DIAPH1: variants seen among roughly 807,000 people sequenced by gnomAD.
The protein encoded by DIAPH1 is diaphanous related formin 1.
Under a neutral mutation model 140.7 loss-of-function variants are expected in DIAPH1, and 46 were observed. That is an observed-to-expected ratio of 0.33 (90% confidence interval 0.26 to 0.42). DIAPH1 has a LOEUF of 0.42. Ranked by LOEUF, DIAPH1 falls within the 10% of genes least tolerant of loss-of-function variation. The pLI, the probability that DIAPH1 is intolerant of heterozygous loss-of-function variation, is 1.00. For synonymous variants in DIAPH1, 565 were observed against 551.6 expected, an observed-to-expected ratio of 1.02 and a Z score of -0.34; for missense variants, 1,310 against 1,558.7, an observed-to-expected ratio of 0.84 and a Z score of 2.69.
chr5:141,527,543 G>C lies in DIAPH1; in HGVS notation c.3273+30C>G, dbSNP rs371651414. ...AGGAAGTTTTCTTTCCCTTCCTAGG[G>C]AACAACTCCCTCCTTTCAAGAGAGG... On this transcript the variant is annotated intron_variant, in intron 24 of 27. Coordinates refer to ENST00000389054, the MANE Select transcript of DIAPH1 (RefSeq NM_005219.5). 1.9e-6 allele frequency: 3 copies of C among 1,611,304 alleles called. No individual in the cohort carries two copies. The East Asian group carries it at 6.7e-5, about 36-fold the overall frequency.
chr5:141,587,526 G>C, intron 2 of DIAPH1: 1 of 323,978 alleles, frequency 3.1e-6, no homozygotes, highest in Non-Finnish European at 5.8e-6. Flanking sequence ...TCTCATGACA[G>C]AGTTCTATCA....
rs527778214 is a variant in DIAPH1, at chr5:141,615,665, C to T, written c.117+3133G>A. Among the ~76,000 whole-genome samples the T allele has an allele frequency of 3.9e-5, 6 of 152,154 alleles. No homozygotes were observed. In the East Asian group the frequency reaches 1.2e-3, roughly 29 times the overall value. On this transcript the variant is annotated intron_variant, in intron 1 of 27. Transcript: ENST00000389054. Reference sequence around the variant, plus strand: ...GGCTGAGGCAGAAGAATGGCATGAACCCGGGAGGCGGAGCTTGCAGTGAGC... The same window carrying T: ...GGCTGAGGCAGAAGAATGGCATGAATCCGGGAGGCGGAGCTTGCAGTGAGC...
At position 141,527,616 on chromosome 5, in the gene DIAPH1, G is replaced by C. The variant is rs376593325; in HGVS notation, c.3230C>G (p.Pro1077Arg). The C allele has an allele frequency of 1.8e-5, 29 of 1,610,580 alleles. No individual in the cohort carries two copies. The African/African-American group carries it at 3.9e-4, about 22-fold the overall frequency. Reference sequence around the variant, plus strand: ...CTTGTCTTTTTCATCTGTGGCAGCTGGGAAATTCTGAACATCACGTTCCAC... The same window carrying C: ...CTTGTCTTTTTCATCTGTGGCAGCTCGGAAATTCTGAACATCACGTTCCAC... ...SDVERDVQNFPAATDEKDKFV... is the reference protein window; with the variant it reads ...SDVERDVQNFRAATDEKDKFV... Residue 1077 changes from proline (P) to arginine (R), a missense_variant, in exon 24 of 28, where the codon CCA becomes CGA. By Grantham distance (103) the Pro-to-Arg change is moderately radical (BLOSUM62 -2). Coordinates refer to ENST00000389054, the MANE Select transcript of DIAPH1 (RefSeq NM_005219.5).
intron 27 of DIAPH1, among the ~76,000 whole-genome samples, chr5:141,521,083 G>T (rs1258170733): frequency 6.6e-6 from 1 of 152,020 alleles, no homozygotes; most frequent in African/African-American, 2.4e-5. Flanking sequence ...TGTATTTTTG[G>T]TAGAGACAGA....
At chr5:141,530,498 T>C (rs554148037) in intron 19 of DIAPH1, among the ~76,000 whole-genome samples, 2 of 152,156 alleles carry the variant, frequency 1.3e-5, no homozygotes, top group African/African-American at 4.8e-5. Flanking sequence ...CGGACTGGAG[T>C]CTATGAATTT....
intron 1 of DIAPH1, among the ~76,000 whole-genome samples, chr5:141,599,778 T>C (rs2099899864): frequency 6.6e-6 from 1 of 152,232 alleles, no homozygotes; most frequent in African/African-American, 2.4e-5. Flanking sequence ...CCAAGATTGC[T>C]AGCCTGATGT....
At chr5:141,591,695 G>GATAGATATATATATAT (rs1554210985) in intron 1 of DIAPH1, among the ~76,000 whole-genome samples, 4 of 86,326 alleles carry the variant, frequency 4.6e-5, no homozygotes, top group African/African-American at 2.3e-4. Context: ...GGGAGATGGG[G>GATAGATATATATATAT]ATATATATAT....
chr5:141,529,821 T>C (rs2099887928), intron 19 of DIAPH1, 124 bp from the exon 20 acceptor site: 7 of 826,116 alleles, frequency 8.5e-6, no homozygotes. Context: ...CAGTGGCTCA[T>C]GCCTGTAATC....
intron 19 of DIAPH1, among the ~76,000 whole-genome samples, chr5:141,532,138 C>T (rs1461652563): frequency 6.6e-6 from 1 of 152,158 alleles, no homozygotes; most frequent in African/African-American, 2.4e-5. Flanking sequence ...TGATCCCTCT[C>T]CTGAAACAAG....
rs867080013 is a variant in DIAPH1 at position 141,578,505 on chromosome 5, A to G, written c.1044+10T>C. 2 of 1,607,676 alleles carry G rather than the reference A, an allele frequency of 1.2e-6. No individual in the cohort carries two copies. The highest frequency in any genetic ancestry group is 1.7e-6 in the Non-Finnish European group (2 of 1,174,108). ...CAGTCTAGCCTTTCTAATGAAGTGT[A>G]ATATCTTACCTGCAACACCTGATGT... is the stretch of plus-strand genomic sequence containing the variant. On this transcript the variant is annotated intron_variant, in intron 10 of 27. Coordinates refer to ENST00000389054, the MANE Select transcript of DIAPH1 (RefSeq NM_005219.5).
intron 9 of DIAPH1, 80 bp downstream of exon 9, chr5:141,579,008 T>C (rs1596384373): frequency 6.4e-6 from 7 of 1,087,520 alleles, no homozygotes; most frequent in South Asian, 1.2e-5. Context: ...ACTCCATGTA[T>C]TTTATTAAAA....
intron 1 of DIAPH1, among the ~76,000 whole-genome samples, chr5:141,590,438 A>G (rs546151529): frequency 6.6e-6 from 1 of 152,334 alleles, no homozygotes; most frequent in East Asian, 1.9e-4. Context: ...ATGATGAAGC[A>G]GAAAGCACCA....
intron 11 of DIAPH1, 130 bp from the exon 12 acceptor site, chr5:141,577,721 T>C: frequency 1.4e-6 from 1 of 720,542 alleles, no homozygotes. Flanking sequence ...CTGTTCTTCC[T>C]GTAAACATCA....
chr5:141,571,836 C>T, intron 17 of DIAPH1, 90 bp downstream of exon 17: 1 of 923,708 alleles, frequency 1.1e-6, no homozygotes, highest in Non-Finnish European at 1.8e-6. Context: ...TTTCTATCTT[C>T]ACCCAGGGAA....
chr5:141,571,857 T>C (rs1022515255), intron 17 of DIAPH1, 69 bp downstream of exon 17: 17 of 1,116,496 alleles, frequency 1.5e-5, no homozygotes, highest in Non-Finnish European at 2.2e-5. Flanking sequence ...GGGAAGGGAA[T>C]AGGAAACCTA....
chr5:141,544,289 G>A lies in DIAPH1; in HGVS notation c.2483-9856C>T, dbSNP rs192234274. Among the ~76,000 whole-genome samples, 11 of 152,018 alleles carry A rather than the reference G, an allele frequency of 7.2e-5. No individual in the cohort carries two copies. In the East Asian group the frequency reaches 1.5e-3, roughly 21 times the overall value. On this transcript the variant is annotated intron_variant, in intron 18 of 27. Transcript: ENST00000389054. Reference sequence around the variant, plus strand: ...GGCACCACTGCACTCCAGCCTGGGCGACAAGAGTGAGACTCCATCTCAAAA... The same window carrying A: ...GGCACCACTGCACTCCAGCCTGGGCAACAAGAGTGAGACTCCATCTCAAAA...
At chr5:141,527,272 G>A (rs564469511) in intron 24 of DIAPH1, among the ~76,000 whole-genome samples, 52 of 152,178 alleles carry the variant, frequency 3.4e-4, no homozygotes, top group African/African-American at 1.1e-3. Context: ...AAGTTTAGCA[G>A]GGCCTGGTGG....
At chr5:141,562,032 C>G (rs2099893620) in intron 18 of DIAPH1, 1 of 152,232 alleles carries the variant, frequency 6.6e-6, no homozygotes, top group Admixed American at 6.5e-5. Context: ...CTGAACTTTG[C>G]AAGTCTCTCT....
chr5:141,603,911 C>A (rs1411241197), intron 1 of DIAPH1, among the ~76,000 whole-genome samples: 3 of 152,110 alleles, frequency 2.0e-5, no homozygotes, highest in Non-Finnish European at 4.4e-5. Flanking sequence ...CAGCCGGCAT[C>A]CTAGGTAGTT....
Sources: allele counts gnomAD v4.1 joint callset (sites outside exome capture counted in the v4.1 genomes callset), GRCh38; gene constraint gnomAD v4.1.1; transcripts MANE v1.5; gene names NCBI Gene and HGNC (gene_info 2026-07-23, HGNC 2026-07-21).